The following PTPRK variants were observed in gnomAD, a reference collection of about 807,000 sequenced individuals.
The protein encoded by PTPRK is protein tyrosine phosphatase receptor type K.
Under a neutral mutation model 178.0 loss-of-function variants are expected in PTPRK, and 75 were observed. That is an observed-to-expected ratio of 0.42 (90% CI 0.35 to 0.51). The LOEUF (loss-of-function observed/expected upper bound fraction) is 0.51, where lower values mean the gene tolerates loss of function less well. PTPRK is among the 20% of genes least tolerant of loss of function. PTPRK has a pLI of 0.02. For synonymous variants in PTPRK, 637 were observed against 620.6 expected, an observed-to-expected ratio of 1.03 and a Z score of -0.39; for missense variants, 1,441 against 1,797.8, an observed-to-expected ratio of 0.80 and a Z score of 3.59.
chr6:128,490,302 T>C (rs1454728396), intron 1 of PTPRK, among the ~76,000 whole-genome samples: 1 of 152,242 alleles, frequency 6.6e-6, no homozygotes, highest in Non-Finnish European at 1.5e-5. Context: ...ACATGTTTGC[T>C]GACCCTACTT....
chr6:128,333,801 A>T (rs1426668110), intron 2 of PTPRK, among the ~76,000 whole-genome samples: 1 of 152,190 alleles, frequency 6.6e-6, no homozygotes, highest in African/African-American at 2.4e-5. Flanking sequence ...TTTGCATTCG[A>T]AACTTGGCTA....
intron 7 of PTPRK, among the ~76,000 whole-genome samples, chr6:128,130,816 A>G (rs998446004): frequency 6.6e-6 from 1 of 151,726 alleles, no homozygotes; most frequent in African/African-American, 2.4e-5. Context: ...CAGACACATT[A>G]AGGAATAAGG....
Position 128,238,271 on chromosome 6 carries a change from C to T in PTPRK, c.693+1764G>A, listed in dbSNP as rs1583633829. 1.4e-5 allele frequency: 5 copies of T among 366,468 alleles called. No homozygotes were observed. The East Asian group carries it at 4.3e-4, about 32-fold the overall frequency. The allele number at this position is 366,468 out of a possible 1,614,324, so 22.7% of individuals were successfully genotyped here. A position where few individuals can be genotyped will look rare whatever the true frequency, so the allele number is the denominator to read the frequency against. The stretch of plus-strand genomic sequence containing the variant: ...AGAAGTTTCATAGAATATTTTACCT[C>T]TCATCTTTGCTACAAAAATGGCAGG... On this transcript the variant is annotated intron_variant, in intron 5 of 29. Transcript: ENST00000368226.
intron 1 of PTPRK, among the ~76,000 whole-genome samples, chr6:128,450,223 T>C (rs895054708): frequency 6.6e-6 from 1 of 152,126 alleles, no homozygotes; most frequent in South Asian, 2.1e-4. Context: ...GCTTAAACCA[T>C]ATTTGTGTCT....
chr6:128,146,592 C>T (rs1446308389), intron 7 of PTPRK, among the ~76,000 whole-genome samples: 2 of 151,818 alleles, frequency 1.3e-5, no homozygotes, highest in Non-Finnish European at 2.9e-5. Context: ...TTCAGGCACA[C>T]ACCACCACGC....
At chr6:128,108,063 T>G (rs556516126) in intron 7 of PTPRK, among the ~76,000 whole-genome samples, 3 of 138,788 alleles carry the variant, frequency 2.2e-5, no homozygotes, top group African/African-American at 8.5e-5. Context: ...AATCCCTAAA[T>G]AGCAAAACAC....
At chr6:128,130,474 CCT>C (rs201662212) in intron 7 of PTPRK, among the ~76,000 whole-genome samples, 3,860 of 152,236 alleles carry the variant, frequency 0.025, 73 homozygotes, top group Middle Eastern at 0.095. Flanking sequence ...ACCCTATATT[CCT>C]CTCTTACTAA....
chr6:127,999,746 T>G (rs1046224093), intron 15 of PTPRK, among the ~76,000 whole-genome samples: 6 of 152,006 alleles, frequency 3.9e-5, no homozygotes, highest in Non-Finnish European at 8.8e-5. Context: ...TTGGCTATTT[T>G]CCTCACTAAA....
intron 6 of PTPRK, among the ~76,000 whole-genome samples, chr6:128,210,605 G>A (rs968925439): frequency 6.6e-6 from 1 of 152,080 alleles, no homozygotes; most frequent in Admixed American, 6.6e-5. Context: ...TGCCTGCTGT[G>A]GATCAAGGAA....
chr6:128,009,249 T>C lies in PTPRK; in HGVS notation c.2214A>G (p.Pro738=). 2 of 1,608,326 alleles carry C rather than the reference T, an allele frequency of 1.2e-6. No homozygotes were observed. The highest frequency in any genetic ancestry group is 1.7e-6 in the Non-Finnish European group (2 of 1,176,520). The change falls in exon 14 of 30, where the codon CCA becomes CCG. Residue 738 remains proline (P), a synonymous_variant. Coordinates refer to ENST00000368226, the MANE Select transcript of PTPRK (RefSeq NM_002844.4). ...IATKAAATEE[P]EVIPDPAKQT... is the part of the protein sequence containing the mutation. The stretch of plus-strand genomic sequence containing the variant: ...GCTTGGCGGGATCTGGGATCACTTC[T>C]GGTTCTTCTGTTGCTGCTGCTAAAT...
intron 3 of PTPRK, among the ~76,000 whole-genome samples, chr6:128,310,784 C>T (rs1182212246): frequency 6.6e-6 from 1 of 152,194 alleles, no homozygotes; most frequent in East Asian, 1.9e-4. Flanking sequence ...CAGCAACCCA[C>T]TTTATTCTCC....
chr6:127,970,072 C>G lies in PTPRK; in HGVS notation c.*155G>C, dbSNP rs899489830. On this transcript the variant is annotated 3_prime_UTR_variant, in exon 30 of 30. Coordinates refer to ENST00000368226, the MANE Select transcript of PTPRK (RefSeq NM_002844.4). ...ATTCAGTCCTTTTTATTAAGATACA[C>G]AACTTCATAAAAAAAATACTTTTAC... 97 of 527,686 alleles carry G rather than the reference C, an allele frequency of 1.8e-4. 6 individuals are homozygous for G. Among genetic ancestry groups the G allele is most frequent in the South Asian group, 1.3e-3 (41 of 31,336 alleles). The allele number at this position is 527,686 out of a possible 1,614,324, so 32.7% of individuals were successfully genotyped here.
chr6:128,462,981 C>A (rs1214461873), intron 1 of PTPRK, among the ~76,000 whole-genome samples: 1 of 152,028 alleles, frequency 6.6e-6, no homozygotes, highest in Non-Finnish European at 1.5e-5. Flanking sequence ...ATTTTAATTT[C>A]TTCGTTAAAT....
intron 7 of PTPRK, among the ~76,000 whole-genome samples, chr6:128,094,919 A>G (rs1455335595): frequency 6.6e-6 from 1 of 152,126 alleles, no homozygotes; most frequent in African/African-American, 2.4e-5. Context: ...ATGCTCTGAG[A>G]GAGAGGGAGA....
Position 128,519,452 on chromosome 6 carries a change from C to A in PTPRK, c.100+807G>T, listed in dbSNP as rs1858645767. Reference sequence around the variant, plus strand: ...TTACAGTCCGCTTCCAGCCCCAGGCCGGATCCGGGGAGCGCGGGGCCAGAG... The same window carrying A: ...TTACAGTCCGCTTCCAGCCCCAGGCAGGATCCGGGGAGCGCGGGGCCAGAG... On this transcript the variant is annotated intron_variant, in intron 1 of 29. Transcript: ENST00000368226. This position sits in a 1 kb window ranked among gnomAD's most constrained non-coding sequence, Gnocchi z 4.3. 6.6e-6 allele frequency among the ~76,000 whole-genome samples: 1 copy of A among 151,902 alleles called. No individual in the cohort carries two copies.
intron 2 of PTPRK, among the ~76,000 whole-genome samples, chr6:128,366,641 G>A (rs2128345553): frequency 6.6e-6 from 1 of 152,188 alleles, no homozygotes; most frequent in South Asian, 2.1e-4. Flanking sequence ...ACAGAGTTGA[G>A]AAATCAATCA....
intron 6 of PTPRK, among the ~76,000 whole-genome samples, chr6:128,194,046 G>A (rs902222239): frequency 9.2e-5 from 13 of 141,958 alleles, no homozygotes; most frequent in African/African-American, 2.7e-4. Flanking sequence ...ATGATAAATC[G>A]CAATAATATT....
At chr6:128,412,644 A>G (rs1027863016) in intron 1 of PTPRK, among the ~76,000 whole-genome samples, 2 of 152,230 alleles carry the variant, frequency 1.3e-5, no homozygotes, top group African/African-American at 2.4e-5. Context: ...CCTGCAATAC[A>G]GGAAAGATCT....
At chr6:128,399,995 T>C (rs1044247870) in intron 1 of PTPRK, among the ~76,000 whole-genome samples, 1 of 152,168 alleles carries the variant, frequency 6.6e-6, no homozygotes, top group African/African-American at 2.4e-5. Context: ...GCATAAAATA[T>C]AGCATACTAA....
Sources: allele counts gnomAD v4.1 joint callset (sites outside exome capture counted in the v4.1 genomes callset), GRCh38; gene constraint gnomAD v4.1.1; non-coding constraint Gnocchi (gnomAD v3.1); transcripts MANE v1.5; gene names NCBI Gene and HGNC (gene_info 2026-07-23, HGNC 2026-07-21).